Variants in MKLN1 observed in about 807,000 individuals in gnomAD.
MKLN1 encodes the protein muskelin.
In MKLN1, 18 loss-of-function variants were observed where a neutral mutation model predicts 99.0. The observed-to-expected ratio is 0.18, with a 90% CI of 0.13 to 0.27. MKLN1 has a LOEUF of 0.27. Among genes scored for constraint, MKLN1 ranks in the 10% least tolerant of loss-of-function variants. The pLI, the probability that MKLN1 is intolerant of heterozygous loss-of-function variation, is 1.00. For missense variants in MKLN1, 621 were observed against 875.9 expected (o/e 0.71, Z 3.67); for synonymous variants, 288 against 293.2 (o/e 0.98, Z 0.18).
chr7:131,470,814 G>C (rs757078412), intron 15 of MKLN1, 28 bp from the exon 16 acceptor site: 20 of 1,400,994 alleles, frequency 1.4e-5, no homozygotes. Flanking sequence ...CATAACTCCA[G>C]ATAATTATCC....
At chr7:131,260,651 TC>T (rs1196752563) in intron 3 of MKLN1, among the ~76,000 whole-genome samples, 1 of 152,102 alleles carries the variant, frequency 6.6e-6, no homozygotes, top group Non-Finnish European at 1.5e-5. Flanking sequence ...GCCAGGGCAA[TC>T]CTATGCAAAA....
chr7:131,420,910 G>A (rs1405839691), intron 8 of MKLN1, among the ~76,000 whole-genome samples: 1 of 152,128 alleles, frequency 6.6e-6, no homozygotes, highest in African/African-American at 2.4e-5. Flanking sequence ...CCTGGAAACT[G>A]TATTCAGATA....
chr7:131,150,485 T>TCAAACAAACAAA (rs537251791), intron 2 of MKLN1, among the ~76,000 whole-genome samples: 2 of 151,884 alleles, frequency 1.3e-5, no homozygotes, highest in Admixed American at 6.6e-5. Context: ...AGACCCTGTC[T>TCAAACAAACAAA]CAAACAAACA....
intron 1 of MKLN1, among the ~76,000 whole-genome samples, chr7:131,118,063 G>A (rs1795305683): frequency 6.6e-6 from 1 of 152,178 alleles, no homozygotes; most frequent in Admixed American, 6.5e-5. Context: ...GATCATGGGG[G>A]CAGATCCCTC....
At chr7:131,393,458 A>G (rs150695771) in intron 4 of MKLN1, among the ~76,000 whole-genome samples, 1 of 152,344 alleles carries the variant, frequency 6.6e-6, no homozygotes, top group East Asian at 1.9e-4. Context: ...TCTGTAATAT[A>G]TATGCCCATT....
chr7:131,148,892 G>A (rs998557643), intron 2 of MKLN1, among the ~76,000 whole-genome samples: 1 of 152,200 alleles, frequency 6.6e-6, no homozygotes, highest in African/African-American at 2.4e-5. Flanking sequence ...ACGAATGAAG[G>A]AGTTTCCTTC....
At chr7:131,259,037 G>T (rs1481945012) in intron 3 of MKLN1, among the ~76,000 whole-genome samples, 1 of 152,078 alleles carries the variant, frequency 6.6e-6, no homozygotes, top group Non-Finnish European at 1.5e-5. Flanking sequence ...GCAATGATTC[G>T]CTGTACAGAC....
intron 1 of MKLN1, among the ~76,000 whole-genome samples, chr7:131,138,711 T>A (rs12533020): frequency 0.32 from 47,476 of 150,440 alleles, 9,124 homozygotes; most frequent in Non-Finnish European, 0.45. Context: ...AAAAAAAAAA[T>A]TCTTCAGCTG....
chr7:131,342,315 T>C (rs936932057), intron 1 of MKLN1, among the ~76,000 whole-genome samples: 1 of 152,186 alleles, frequency 6.6e-6, no homozygotes, highest in African/African-American at 2.4e-5. Flanking sequence ...GCTAGTCCTT[T>C]ATCTTCCTTA....
intron 3 of MKLN1, among the ~76,000 whole-genome samples, chr7:131,218,133 A>G (rs1797011090): frequency 6.6e-6 from 1 of 152,190 alleles, no homozygotes; most frequent in Non-Finnish European, 1.5e-5. Context: ...GGTGCAGGTT[A>G]TGGGTCTGAG....
chr7:131,445,897 G>T lies in MKLN1; in HGVS notation c.1519G>T (p.Gly507Trp). The change falls in exon 12 of 18, where the codon GGG becomes TGG. Residue 507 changes from glycine to tryptophan, a missense_variant. Physicochemically the swap from Gly to Trp is radical, Grantham distance 184 (BLOSUM62 -2). Coordinates refer to ENST00000352689, the MANE Select transcript of MKLN1 (RefSeq NM_013255.5). ...IISDGTKKDS[G>W]MVPMTGFTQR... ...ATCAGATGGCACCAAGAAAGACTCTGGGATGGGTAAGGGCATTGAGTGATT... is the reference window on the plus strand; with the variant it reads ...ATCAGATGGCACCAAGAAAGACTCTTGGATGGGTAAGGGCATTGAGTGATT... 1 of 1,596,588 alleles carries T rather than the reference G, an allele frequency of 6.3e-7. No homozygotes were observed. The highest frequency in any genetic ancestry group is 8.6e-7 in the Non-Finnish European group (1 of 1,169,266).
intron 2 of MKLN1, among the ~76,000 whole-genome samples, chr7:131,173,027 A>C (rs1373572796): frequency 6.6e-6 from 1 of 152,212 alleles, no homozygotes; most frequent in African/African-American, 2.4e-5. Flanking sequence ...TGATATTTGC[A>C]TTAGTGAATA....
intron 1 of MKLN1, among the ~76,000 whole-genome samples, chr7:131,122,959 C>T (rs1015772481): frequency 1.5e-5 from 2 of 129,472 alleles, no homozygotes; most frequent in African/African-American, 2.9e-5. Context: ...GGAGGCGGAG[C>T]TTGCAGTGAG....
chr7:131,210,984 A>G, intron 3 of MKLN1, among the ~76,000 whole-genome samples: 1 of 151,602 alleles, frequency 6.6e-6, no homozygotes, highest in Non-Finnish European at 1.5e-5. Flanking sequence ...TTCCATCACC[A>G]TGGTGGGGCA....
At chr7:131,420,828 G>A (rs1795169852) in intron 8 of MKLN1, among the ~76,000 whole-genome samples, 1 of 152,124 alleles carries the variant, frequency 6.6e-6, no homozygotes, top group African/African-American at 2.4e-5. Flanking sequence ...GAGTAGATGT[G>A]CACTAAATAT....
intron 3 of MKLN1, among the ~76,000 whole-genome samples, chr7:131,232,970 A>G (rs4731771): frequency 0.64 from 97,702 of 152,052 alleles, 32,605 homozygotes; most frequent in South Asian, 0.81. Context: ...TCAGCAAATA[A>G]TTGTGGAAGG....
At chr7:131,113,373 T>C (rs1028023288) in intron 1 of MKLN1, among the ~76,000 whole-genome samples, 2 of 152,070 alleles carry the variant, frequency 1.3e-5, no homozygotes, top group African/African-American at 4.8e-5. Flanking sequence ...ATAAATACAT[T>C]GTATAAATGC....
chr7:131,178,219 C>A (rs909540683), intron 2 of MKLN1, among the ~76,000 whole-genome samples: 2 of 148,292 alleles, frequency 1.3e-5, no homozygotes, highest in Non-Finnish European at 3.0e-5. Flanking sequence ...TGGGTTCAAG[C>A]GATTCTCCTG....
intron 3 of MKLN1, among the ~76,000 whole-genome samples, chr7:131,211,135 A>C (rs1376654149): frequency 2.6e-5 from 4 of 152,122 alleles, no homozygotes; most frequent in African/African-American, 9.7e-5. Flanking sequence ...TACCCAGGGA[A>C]CTATAAGTAG....
Sources: allele counts gnomAD v4.1 joint callset (sites outside exome capture counted in the v4.1 genomes callset), GRCh38; gene constraint gnomAD v4.1.1; transcripts MANE v1.5; gene names NCBI Gene and HGNC (gene_info 2026-07-23, HGNC 2026-07-21).